The following SVIL variants were observed in gnomAD, a reference collection of about 807,000 sequenced individuals.
The protein encoded by SVIL is supervillin.
SVIL carries 101 observed loss-of-function variants against 240.4 expected under a neutral mutation model. The observed-to-expected ratio is 0.42, with a 90% CI of 0.36 to 0.50. SVIL has a LOEUF of 0.50. Among genes scored for constraint, SVIL ranks in the 20% least tolerant of loss-of-function variants. The pLI, the probability that SVIL is intolerant of heterozygous loss-of-function variation, is 0.01. For synonymous variants in SVIL, 999 were observed against 1,100.0 expected (o/e 0.91, Z 1.82); for missense variants, 2,512 against 2,818.7 (o/e 0.89, Z 2.46).
chr10:29,556,938 A>G (rs1953987094), intron 3 of SVIL, among the ~76,000 whole-genome samples: 1 of 152,204 alleles, frequency 6.6e-6, no homozygotes, highest in African/African-American at 2.4e-5. Flanking sequence ...CCACTCAAGA[A>G]GCTATCAAAA....
intron 16 of SVIL, among the ~76,000 whole-genome samples, chr10:29,513,538 AAAAC>A (rs199741082): frequency 0.012 from 1,763 of 152,294 alleles, 48 homozygotes; most frequent in African/African-American, 0.04. Flanking sequence ...TCTGTCTCAA[AAAAC>A]AAACAAACAA....
In SVIL at chr10:29,523,738, C is replaced by G. The variant is rs769551798; in HGVS notation, c.2876G>C (p.Arg959Pro). 1 of 1,614,220 alleles carries G rather than the reference C, an allele frequency of 6.2e-7. No individual in the cohort carries two copies. The highest frequency in any genetic ancestry group is 2.2e-5 in the East Asian group (1 of 44,882). The change falls in exon 15 of 38, where the codon CGA (arginine) becomes CCA (proline). Residue 959 changes from arginine to proline, a missense_variant. By Grantham distance (103) the Arg-to-Pro change is moderately radical. Transcript: ENST00000355867. The part of the protein sequence containing the change: ...ETESKRALTG[R>P]DSGMEKYGSF... ...CCCATACTTCTCCATCCCACTGTCT[C>G]GACCTGTCAAAGCTCTCTTGCTTTC...
chr10:29,680,519 C>T (rs1035276882), intron 2 of SVIL, among the ~76,000 whole-genome samples: 19 of 152,316 alleles, frequency 1.2e-4, no homozygotes, highest in African/African-American at 3.6e-4. Flanking sequence ...GGCCCCGATG[C>T]GTGCTGTGAT....
intron 1 of SVIL, among the ~76,000 whole-genome samples, chr10:29,608,642 C>A (rs1360889215): frequency 6.6e-6 from 1 of 152,276 alleles, no homozygotes; most frequent in Middle Eastern, 3.2e-3. Flanking sequence ...GCAGACCCAG[C>A]ACCCTGCTGC....
intron 3 of SVIL, chr10:29,657,947 T>C (rs143836136): frequency 6.2e-4 from 94 of 152,358 alleles, no homozygotes; most frequent in African/African-American, 2.1e-3. Context: ...AAAAGTGTCA[T>C]ATTTCTTTCC....
chr10:29,621,301 G>A (rs1369284611), intron 1 of SVIL, among the ~76,000 whole-genome samples: 1 of 152,238 alleles, frequency 6.6e-6, no homozygotes, highest in Non-Finnish European at 1.5e-5. Context: ...AGTGCTGCGG[G>A]AAGGCAGGAA....
intron 1 of SVIL, among the ~76,000 whole-genome samples, chr10:29,695,031 T>C (rs999570320): frequency 4.6e-5 from 7 of 152,122 alleles, no homozygotes; most frequent in Admixed American, 2.6e-4. Context: ...AATTCGGCAA[T>C]TCTAGTGAAT....
chr10:29,584,243 C>A (rs1368660260), intron 1 of SVIL, among the ~76,000 whole-genome samples: 1 of 152,172 alleles, frequency 6.6e-6, no homozygotes, highest in Non-Finnish European at 1.5e-5. Flanking sequence ...ATGGTCCCAT[C>A]CCTCTGCATG....
chr10:29,704,400 G>A (rs367608532), intron 1 of SVIL, among the ~76,000 whole-genome samples: 1 of 152,096 alleles, frequency 6.6e-6, no homozygotes, highest in Non-Finnish European at 1.5e-5. Context: ...CTCACTAGCA[G>A]AAATGACTTT....
intron 1 of SVIL, among the ~76,000 whole-genome samples, chr10:29,631,354 C>T (rs1958083289): frequency 1.3e-5 from 2 of 152,310 alleles, no homozygotes; most frequent in African/African-American, 2.4e-5. Context: ...TAAGAGATGG[C>T]GAGGCGAGGC....
chr10:29,577,553 A>G (rs769311012), intron 1 of SVIL, among the ~76,000 whole-genome samples: 6 of 152,220 alleles, frequency 3.9e-5, no homozygotes, highest in Non-Finnish European at 8.8e-5. Flanking sequence ...CACAGTGTAT[A>G]TATACCACAT....
chr10:29,610,843 A>C (rs1333096317), intron 1 of SVIL, among the ~76,000 whole-genome samples: 1 of 151,856 alleles, frequency 6.6e-6, no homozygotes, highest in Non-Finnish European at 1.5e-5. Flanking sequence ...CTGGCTCCTC[A>C]TTTCCTGTAA....
In SVIL at chr10:29,696,954, C is replaced by T. The variant is rs1244431220; in HGVS notation, c.-399-10303G>A. On this transcript the variant is annotated intron_variant, in intron 1 of 35. Coordinates refer to the SVIL transcript ENST00000375400. ...CCTCTGCCCAGCCAGACGCCCCGTCCGGGAGGGAGGTGGGGGGGTCAGCCC... is the reference window on the plus strand; with the variant it reads ...CCTCTGCCCAGCCAGACGCCCCGTCTGGGAGGGAGGTGGGGGGGTCAGCCC... Among the ~76,000 whole-genome samples the T allele has an allele frequency of 5.6e-4, 81 of 143,764 alleles. 1 individual carries two copies. Among genetic ancestry groups the T allele is most frequent in the Middle Eastern group, 7.2e-3 (2 of 276 alleles). 94.3% of individuals were successfully genotyped at this position (143,764 alleles called of 152,430 possible). A position where few individuals can be genotyped will look rare whatever the true frequency, so the allele number is the denominator to read the frequency against.
At chr10:29,541,091 C>A (rs1952118490) in intron 6 of SVIL, among the ~76,000 whole-genome samples, 2 of 152,216 alleles carry the variant, frequency 1.3e-5, no homozygotes, top group South Asian at 4.1e-4. Flanking sequence ...GAGATCACAT[C>A]TGAATTATGG....
rs1012778717 is a variant in SVIL at position 29,467,757 on chromosome 10, C to T, written c.5962G>A (p.Asp1988Asn). 46 of 1,614,132 alleles carry T rather than the reference C, an allele frequency of 2.8e-5. No homozygotes were observed. The highest frequency in any genetic ancestry group is 3.7e-5 in the Non-Finnish European group (44 of 1,180,018). Residue 1988 changes from aspartate (D) to asparagine (N), a missense_variant, in exon 33 of 38, where the codon GAT (aspartate) becomes AAT (asparagine). Asp to Asn is a conservative substitution (Grantham distance 23). This residue lies in a region of SVIL where 797 missense variants were observed against 925.3 expected (regional missense o/e 0.86). Transcript: ENST00000355867. ...ALGRRDRKAY[D>N]CMLQDPGSFN... Reference sequence around the variant, plus strand: ...GCCACATTACCTTGAAGCATGCAATCGTAGGCTTTCCTGTCTCTCCTTCCT... The same window carrying T: ...GCCACATTACCTTGAAGCATGCAATTGTAGGCTTTCCTGTCTCTCCTTCCT...
chr10:29,572,051 C>A (rs1428912585), intron 1 of SVIL, among the ~76,000 whole-genome samples: 9 of 152,184 alleles, frequency 5.9e-5, no homozygotes, highest in Non-Finnish European at 1.3e-4. Flanking sequence ...ATAATCTCTT[C>A]TAAAAGCTAG....
intron 1 of SVIL, among the ~76,000 whole-genome samples, chr10:29,577,700 A>G (rs1955764847): frequency 6.6e-6 from 1 of 152,244 alleles, no homozygotes; most frequent in Non-Finnish European, 1.5e-5. Flanking sequence ...GTAGATACCC[A>G]GTAGTGGGAT....
intron 2 of SVIL, among the ~76,000 whole-genome samples, chr10:29,660,712 G>T (rs143319955): frequency 5.9e-5 from 9 of 152,306 alleles, no homozygotes; most frequent in African/African-American, 1.9e-4. Flanking sequence ...CTGCCCAGAC[G>T]CTCACGTCTT....
chr10:29,549,901 T>C (rs12571304), intron 6 of SVIL, among the ~76,000 whole-genome samples: 4 of 112,798 alleles, frequency 3.5e-5, no homozygotes, highest in Non-Finnish European at 5.3e-5. Context: ...AGGGATAGCA[T>C]TGGGAGATAT....
Sources: gnomAD v4.1 joint callset for allele counts (sites outside exome capture counted in the v4.1 genomes callset) on GRCh38, gnomAD v4.1.1 for gene constraint, gnomAD v4.1.1 regional missense constraint, MANE v1.5 for transcripts, NCBI Gene and HGNC (gene_info 2026-07-23, HGNC 2026-07-21) for gene names.